Variants in MRPS6 observed in about 807,000 individuals in gnomAD.
MRPS6 encodes mitochondrial ribosomal protein S6.
In MRPS6, 6 loss-of-function variants were observed where a neutral mutation model predicts 13.1. The observed-to-expected ratio is 0.46, with a 90% CI of 0.25 to 0.91. The LOEUF (loss-of-function observed/expected upper bound fraction) is 0.91, where lower values mean the gene tolerates loss of function less well. Among genes scored for constraint, MRPS6 ranks in the 40% least tolerant of loss-of-function variants. MRPS6 has a pLI of 0.18. For synonymous variants in MRPS6, 61 were observed against 56.5 expected (o/e 1.08, Z -0.36); for missense variants, 164 against 155.6 (o/e 1.05, Z -0.29).
Position 34,118,072 on chromosome 21 carries a change from G to A in MRPS6, c.46-7269G>A, listed in dbSNP as rs145445434. ...TATTTTAAAAATTTTAAAATTTGGG[G>A]TATTTTTGTTTTTGCAGAGCACACA... On this transcript the variant is annotated intron_variant, in intron 1 of 2. Coordinates refer to ENST00000399312, the MANE Select transcript of MRPS6 (RefSeq NM_032476.4). Among the ~76,000 whole-genome samples, 51 of 152,052 alleles carry A rather than the reference G, an allele frequency of 3.4e-4. 2 individuals carry two copies. In the East Asian group the frequency reaches 9.8e-3, roughly 29 times the overall value.
At chr21:34,112,425 T>TC (rs1979740047) in intron 1 of MRPS6, among the ~76,000 whole-genome samples, 1 of 65,912 alleles carries the variant, frequency 1.5e-5, no homozygotes, top group African/African-American at 1.7e-4. Flanking sequence ...CTGGATCTTT[T>TC]CAAAAAAACA....
At chr21:34,097,694 A>C (rs893688701) in intron 1 of MRPS6, 10 of 1,021,436 alleles carry the variant, frequency 9.8e-6, no homozygotes, top group African/African-American at 1.7e-5. Context: ...CTGCACTGCC[A>C]AGTCTTGGCA....
intron 1 of MRPS6, among the ~76,000 whole-genome samples, chr21:34,117,220 A>G (rs139120397): frequency 2.0e-5 from 3 of 152,314 alleles, no homozygotes; most frequent in African/African-American, 4.8e-5. Flanking sequence ...TTCTACCTAT[A>G]CTAAATTCAG....
chr21:34,118,231 A>G (rs915828329), intron 1 of MRPS6, among the ~76,000 whole-genome samples: 3 of 152,150 alleles, frequency 2.0e-5, no homozygotes, highest in African/African-American at 7.2e-5. Context: ...TGGACTCCCC[A>G]GAAACTTTAC....
chr21:34,088,573 C>CT (rs1602917995), intron 1 of MRPS6, among the ~76,000 whole-genome samples: 1 of 152,182 alleles, frequency 6.6e-6, no homozygotes, highest in East Asian at 1.9e-4. Context: ...CACGCATGAT[C>CT]TTTTATCAAT....
chr21:34,115,231 A>T (rs1297760159), intron 1 of MRPS6, among the ~76,000 whole-genome samples: 1 of 152,056 alleles, frequency 6.6e-6, no homozygotes, highest in Non-Finnish European at 1.5e-5. Context: ...TTTAACCTCC[A>T]TTCTTCTCTG....
chr21:34,141,064 T>C (rs1367872852), intron 2 of MRPS6, among the ~76,000 whole-genome samples: 1 of 152,262 alleles, frequency 6.6e-6, no homozygotes, highest in African/African-American at 2.4e-5. Flanking sequence ...CATAAGTTCC[T>C]TCCTTGCTGA....
chr21:34,086,673 TATC>T (rs1347319024), intron 1 of MRPS6, among the ~76,000 whole-genome samples: 9 of 152,222 alleles, frequency 5.9e-5, no homozygotes, highest in African/African-American at 2.2e-4. Context: ...TGGGGATCAT[TATC>T]ATGTCTGCCT....
chr21:34,131,465 C>G (rs1389306600), intron 2 of MRPS6, among the ~76,000 whole-genome samples: 1 of 152,162 alleles, frequency 6.6e-6, no homozygotes, highest in Non-Finnish European at 1.5e-5. Flanking sequence ...AGCAGCTCCT[C>G]TGATTGTTAG....
In MRPS6 at chr21:34,142,641, C is replaced by A; in HGVS notation, c.*41C>A. 6.5e-7 allele frequency: 1 copy of A among 1,531,384 alleles called. No individual in the cohort carries two copies. The highest frequency in any genetic ancestry group is 1.3e-5 in the South Asian group (1 of 75,748). The allele number at this position is 1,531,384 out of a possible 1,614,324, so 94.9% of individuals were successfully genotyped here. ...TTTAGCCTTATATGTAATTCCTTCACATTTGGGCAGCATGGACGAGAAGGA... is the reference window on the plus strand; with the variant it reads ...TTTAGCCTTATATGTAATTCCTTCAAATTTGGGCAGCATGGACGAGAAGGA... On this transcript the variant is annotated 3_prime_UTR_variant, in exon 3 of 3. Coordinates refer to ENST00000399312, the MANE Select transcript of MRPS6 (RefSeq NM_032476.4).
intron 1 of MRPS6, among the ~76,000 whole-genome samples, chr21:34,093,615 C>T (rs1195915377): frequency 1.3e-5 from 2 of 151,900 alleles, no homozygotes; most frequent in Admixed American, 6.5e-5. Context: ...ACATTCTTCT[C>T]TGAGGTTGCC....
At chr21:34,078,820 A>G (rs1300324405) in intron 1 of MRPS6, among the ~76,000 whole-genome samples, 1 of 152,212 alleles carries the variant, frequency 6.6e-6, no homozygotes, top group Non-Finnish European at 1.5e-5. Flanking sequence ...AGTTGTTGCA[A>G]TTTGATTATC....
intron 2 of MRPS6, among the ~76,000 whole-genome samples, chr21:34,131,130 G>C (rs1386488505): frequency 3.3e-5 from 5 of 152,194 alleles, no homozygotes; most frequent in Non-Finnish European, 5.9e-5. Context: ...AGTAGAAGTG[G>C]AAAATGGAAA....
chr21:34,117,257 T>C (rs1979955176), intron 1 of MRPS6, among the ~76,000 whole-genome samples: 2 of 152,146 alleles, frequency 1.3e-5, no homozygotes, highest in South Asian at 4.1e-4. Context: ...ACCCCAAATA[T>C]AAATTTCATA....
At chr21:34,074,188 T>C (rs1989264001) in intron 1 of MRPS6, among the ~76,000 whole-genome samples, 1 of 149,612 alleles carries the variant, frequency 6.7e-6, no homozygotes, top group Admixed American at 6.6e-5. Flanking sequence ...TCCGTCCCGC[T>C]CCGCCGCCCG....
chr21:34,114,298 G>T (rs1030447669), intron 1 of MRPS6, among the ~76,000 whole-genome samples: 8 of 152,156 alleles, frequency 5.3e-5, no homozygotes, highest in Non-Finnish European at 8.8e-5. Context: ...TTCACATTCA[G>T]ACAAGACTCC....
At chr21:34,102,016 C>T in intron 1 of MRPS6, 1 of 1,000,094 alleles carries the variant, frequency 1.0e-6, no homozygotes, top group Non-Finnish European at 1.2e-6. Flanking sequence ...TATAGAGGAA[C>T]CCTTTTGTAC....
chr21:34,080,153 C>T (rs1322505018), intron 1 of MRPS6, among the ~76,000 whole-genome samples: 1 of 152,122 alleles, frequency 6.6e-6, no homozygotes, highest in Admixed American at 6.6e-5. Context: ...AATATATGTC[C>T]TTGAGATACT....
chr21:34,101,802 G>A, intron 1 of MRPS6: 3 of 997,834 alleles, frequency 3.0e-6, no homozygotes, highest in Non-Finnish European at 3.6e-6. Flanking sequence ...TCTCAGGAAT[G>A]ATTTTCTCAC....
Sources: gnomAD v4.1 joint callset for allele counts (sites outside exome capture counted in the v4.1 genomes callset) on GRCh38, gnomAD v4.1.1 for gene constraint, MANE v1.5 for transcripts, NCBI Gene and HGNC (gene_info 2026-07-23, HGNC 2026-07-21) for gene names.